KCNMA1: variants seen among roughly 807,000 people sequenced by gnomAD.
KCNMA1 encodes potassium calcium-activated channel subfamily M alpha 1.
In KCNMA1, 29 loss-of-function variants were observed where a neutral mutation model predicts 140.0. That is an observed-to-expected ratio of 0.21 (90% CI 0.15 to 0.28). The LOEUF is 0.28. KCNMA1 is among the 10% of genes least tolerant of loss of function. The pLI is 1.00. For missense variants in KCNMA1, 880 were observed against 1,602.2 expected (o/e 0.55, Z 7.70); for synonymous variants, 612 against 611.9 (o/e 1.00, Z 0.00).
Position 77,259,275 on chromosome 10 carries a change from T to C in KCNMA1, c.541-8019A>G, listed in dbSNP as rs180784684. ...GATTATAGCATTAAAATAAAATGCA[T>C]GGGATTGCCAGATAAGAGTAAAACT... is the stretch of plus-strand genomic sequence containing the variant. On this transcript the variant is annotated intron_variant, in intron 2 of 27. Coordinates refer to ENST00000286628, the MANE Select transcript of KCNMA1 (RefSeq NM_001161352.2). Among the ~76,000 whole-genome samples, 9 of 152,254 alleles carry C rather than the reference T, an allele frequency of 5.9e-5. No homozygotes were observed. The East Asian group carries it at 1.7e-3, about 29-fold the overall frequency.
At chr10:77,382,984 GTGTGTGTGTGTATATATA>G (rs71028273) in intron 2 of KCNMA1, among the ~76,000 whole-genome samples, 1,345 of 89,460 alleles carry the variant, frequency 0.015, 15 homozygotes, top group Middle Eastern at 0.021. Flanking sequence ...GTGTGTGTGT[GTGTGTGTGTGTATATATA>G]TATATATATA....
intron 1 of KCNMA1, among the ~76,000 whole-genome samples, chr10:77,443,993 G>T (rs769474554): frequency 7.2e-5 from 11 of 152,032 alleles, no homozygotes; most frequent in Non-Finnish European, 1.5e-4. Flanking sequence ...CAAATTATAT[G>T]ACTATATTAA....
intron 1 of KCNMA1, among the ~76,000 whole-genome samples, chr10:77,574,464 T>G: frequency 6.6e-6 from 1 of 152,204 alleles, no homozygotes; most frequent in Admixed American, 6.5e-5. Flanking sequence ...TGTGGATTGT[T>G]TTTTCTGGTG....
intron 20 of KCNMA1, among the ~76,000 whole-genome samples, chr10:76,960,717 A>G (rs1305956581): frequency 7.5e-6 from 1 of 133,764 alleles, no homozygotes; most frequent in African/African-American, 2.9e-5. Context: ...CTTAATGCCT[A>G]TGGGATTTTC....
chr10:77,010,354 G>A (rs562258137), intron 18 of KCNMA1, among the ~76,000 whole-genome samples: 3 of 152,114 alleles, frequency 2.0e-5, no homozygotes, highest in South Asian at 2.1e-4. Flanking sequence ...TGGTGAAGAA[G>A]GTCTTTGGAT....
At chr10:76,910,502 T>C (rs1372395542) in intron 24 of KCNMA1, 1 of 295,250 alleles carries the variant, frequency 3.4e-6, no homozygotes, top group East Asian at 8.2e-5. Context: ...TTAGCCACAA[T>C]GAAAAGAAAG....
At chr10:77,499,784 G>C (rs1290582504) in intron 1 of KCNMA1, among the ~76,000 whole-genome samples, 1 of 152,066 alleles carries the variant, frequency 6.6e-6, no homozygotes, top group East Asian at 1.9e-4. Flanking sequence ...TGAACCCTAA[G>C]ATCTATTAGG....
chr10:77,355,155 C>A, intron 2 of KCNMA1: 1 of 156,446 alleles, frequency 6.4e-6, no homozygotes, highest in Non-Finnish European at 1.4e-5. Flanking sequence ...TCATTTTTAT[C>A]TTGCTGCTGT....
chr10:77,340,301 T>C (rs2154374938), intron 2 of KCNMA1, among the ~76,000 whole-genome samples: 1 of 152,306 alleles, frequency 6.6e-6, no homozygotes, highest in Admixed American at 6.5e-5. Context: ...GAAGACAGTG[T>C]GGCAATTCTT....
At chr10:77,114,850 T>A (rs1757817673) in intron 6 of KCNMA1, among the ~76,000 whole-genome samples, 1 of 152,232 alleles carries the variant, frequency 6.6e-6, no homozygotes, top group South Asian at 2.1e-4. Context: ...ATTTTCCCAG[T>A]AGTGGCTTAA....
At chr10:77,021,933 T>C (rs1470105518) in intron 16 of KCNMA1, among the ~76,000 whole-genome samples, 2 of 152,240 alleles carry the variant, frequency 1.3e-5, no homozygotes, top group Admixed American at 6.5e-5. Flanking sequence ...TTTTTGTTTT[T>C]GTTTTTAATA....
At chr10:77,167,954 A>AT (rs906643676) in intron 5 of KCNMA1, among the ~76,000 whole-genome samples, 3 of 152,138 alleles carry the variant, frequency 2.0e-5, no homozygotes, top group African/African-American at 7.2e-5. Flanking sequence ...AATTGCTGGG[A>AT]TTACAGGCAT....
chr10:77,316,230 C>G (rs962792519), intron 2 of KCNMA1, among the ~76,000 whole-genome samples: 3 of 152,160 alleles, frequency 2.0e-5, no homozygotes, highest in Admixed American at 6.6e-5. Flanking sequence ...TTGCTGTCTT[C>G]AAGCTCAGGA....
intron 25 of KCNMA1, among the ~76,000 whole-genome samples, chr10:76,898,055 AT>A (rs1379816475): frequency 2.0e-5 from 3 of 151,934 alleles, no homozygotes; most frequent in Non-Finnish European, 4.4e-5. Context: ...ACATATAATT[AT>A]GATAGAAGCA....
At chr10:77,466,454 T>C (rs1452582918) in intron 1 of KCNMA1, among the ~76,000 whole-genome samples, 3 of 152,208 alleles carry the variant, frequency 2.0e-5, no homozygotes, top group African/African-American at 7.2e-5. Flanking sequence ...GAGAACCTAC[T>C]GCATGAGCTC....
chr10:77,386,760 C>A (rs1023877257), intron 2 of KCNMA1, among the ~76,000 whole-genome samples: 2 of 152,296 alleles, frequency 1.3e-5, no homozygotes. Flanking sequence ...GCCTCTGCTC[C>A]CCACTGCAAT....
At chr10:77,336,620 A>G (rs2089146384) in intron 2 of KCNMA1, among the ~76,000 whole-genome samples, 2 of 152,340 alleles carry the variant, frequency 1.3e-5, no homozygotes, top group Middle Eastern at 3.4e-3. Flanking sequence ...TGCTATTTTA[A>G]TAATACCAAA....
At chr10:77,517,010 A>C (rs1284063935) in intron 1 of KCNMA1, among the ~76,000 whole-genome samples, 2 of 121,808 alleles carry the variant, frequency 1.6e-5, no homozygotes, top group Non-Finnish European at 4.0e-5. Context: ...AAAAAAAAAA[A>C]CAAAAGGTGA....
intron 14 of KCNMA1, among the ~76,000 whole-genome samples, chr10:77,064,909 T>C (rs2095872729): frequency 6.6e-6 from 1 of 152,232 alleles, no homozygotes; most frequent in South Asian, 2.1e-4. Context: ...GCACAATCCT[T>C]GTCAAGGATT....
Sources: gnomAD v4.1 joint callset for allele counts (sites outside exome capture counted in the v4.1 genomes callset) on GRCh38, gnomAD v4.1.1 for gene constraint, MANE v1.5 for transcripts, NCBI Gene and HGNC (gene_info 2026-07-23, HGNC 2026-07-21) for gene names.